The following SLC27A5 variants were observed in gnomAD, a reference collection of about 807,000 sequenced individuals.
SLC27A5 encodes long-chain fatty acid transport protein 5.
Under a neutral mutation model 63.1 loss-of-function variants are expected in SLC27A5, and 47 were observed. The ratio of observed to expected loss-of-function variants is 0.74; its 90% CI spans 0.59 to 0.95. The LOEUF (loss-of-function observed/expected upper bound fraction) is 0.95. SLC27A5 is among the 40% of genes least tolerant of loss of function. The pLI is 0.00. For synonymous variants in SLC27A5, 391 were observed against 403.8 expected, an observed-to-expected ratio of 0.97 and a Z score of 0.38; for missense variants, 940 against 921.0, an observed-to-expected ratio of 1.02 and a Z score of -0.27.
Position 58,511,876 on chromosome 19 carries a change from A to G in SLC27A5, c.80T>C (p.Val27Ala). 1 of 1,551,378 alleles carries G rather than the reference A, an allele frequency of 6.4e-7. No homozygotes were observed. Among genetic ancestry groups the G allele is most frequent in the Non-Finnish European group, 8.7e-7 (1 of 1,147,736 alleles). Residue 27 changes from valine (V) to alanine (A), a missense_variant, in exon 1 of 10, where the codon GTC becomes GCC. Val to Ala is a moderately conservative substitution (Grantham distance 64). Transcript: ENST00000263093. ...LWGLGQPVWP[V>A]AVALTLRWLL... ...CCAGCGCAGGGTCAAGGCCACAGCG[A>G]CTGGCCACACTGGCTGCCCCAGGCC...
rs978226371 is a variant in SLC27A5 at position 58,498,395 on chromosome 19, A to C, written c.*120T>G. 7.0e-6 allele frequency: 7 copies of C among 1,002,412 alleles called. No individual in the cohort carries two copies. The African/African-American group carries it at 1.1e-4, about 16-fold the overall frequency. The allele number at this position is 1,002,412 out of a possible 1,614,324, so 62.1% of individuals were successfully genotyped here. ...CAGGGCCCACTGTCATTTCCAGCCC[A>C]CTGAGGTTGAGGGTATGGCCAGGCT... On this transcript the variant is annotated 3_prime_UTR_variant, in exon 10 of 10. Transcript: ENST00000263093.
rs1397820626 is a variant in SLC27A5, at chr19:58,498,793, G to A, written c.1888C>T (p.Arg630Cys). ...LPAYATPHFIRIQDAMEVTST... is the reference protein window; with the variant it reads ...LPAYATPHFICIQDAMEVTST... ...GGCCACCCTGGGCTCACCTGGATGC[G>A]GATGAAATGGGGGGTAGCGTAGGCA... Residue 630 changes from arginine to cysteine, a missense_variant, in exon 9 of 10, where the codon CGC becomes TGC. By Grantham distance (180) the Arg-to-Cys change is radical. Transcript: ENST00000263093. The A allele has an allele frequency of 6.2e-7, 1 of 1,613,924 alleles. No homozygotes were observed. Among genetic ancestry groups the A allele is most frequent in the Non-Finnish European group, 8.5e-7 (1 of 1,179,916 alleles).
At chr19:58,511,041 T>A in intron 1 of SLC27A5, 111 bp from the exon 2 acceptor site, 1 of 1,009,530 alleles carries the variant, frequency 9.9e-7, no homozygotes, top group Non-Finnish European at 1.4e-6. Context: ...GAGAAAAGCA[T>A]CCATGTTGTT....
At chr19:58,499,287 G>A (rs1196515572) in intron 7 of SLC27A5, 67 bp from the exon 8 acceptor site, 47 of 1,077,102 alleles carry the variant, frequency 4.4e-5, no homozygotes, top group Non-Finnish European at 5.9e-5. Flanking sequence ...TCTTGCCCCC[G>A]CCCCGCCCCT....
intron 3 of SLC27A5, among the ~76,000 whole-genome samples, chr19:58,502,293 A>T (rs941423613): frequency 2.1e-5 from 3 of 146,192 alleles, no homozygotes; most frequent in African/African-American, 7.6e-5. Context: ...GTGAACAGTT[A>T]GAGTAGTGAG....
At position 58,499,825 on chromosome 19, in the gene SLC27A5, C is replaced by A. The variant is rs574154758; in HGVS notation, c.1469-135G>T. On this transcript the variant is annotated intron_variant, in intron 6 of 9. Coordinates refer to ENST00000263093, the MANE Select transcript of SLC27A5 (RefSeq NM_012254.3). ...ACCCAAAGACACAGACAGGGAGATCCAGAGATGAGAGAGACATTCAGAGAC... is the reference window on the plus strand; with the variant it reads ...ACCCAAAGACACAGACAGGGAGATCAAGAGATGAGAGAGACATTCAGAGAC... 4 of 770,716 alleles carry A rather than the reference C, an allele frequency of 5.2e-6. No individual in the cohort carries two copies. The East Asian group carries it at 8.0e-5, about 15-fold the overall frequency. The allele number at this position is 770,716 out of a possible 1,614,324, so 47.7% of individuals were successfully genotyped here. A position where few individuals can be genotyped will look rare whatever the true frequency, so the allele number is the denominator to read the frequency against.
Position 58,499,215 on chromosome 19 carries a change from T to G in SLC27A5, c.1673A>C (p.Lys558Thr). ...RDRLGDTFRW[K>T]GENVSTHEVE... is the part of the protein sequence containing the mutation. ...CTCGTGCGTGGACACGTTCTCGCCC[T>G]TCCATCTGCAAGGAGGGAGCCGGCG... The change falls in exon 8 of 10, where the codon AAG (lysine) becomes ACG (threonine). Residue 558 changes from lysine (K) to threonine (T), a missense_variant. Physicochemically the swap from Lys to Thr is moderately conservative, Grantham distance 78 (BLOSUM62 -1). Transcript: ENST00000263093. 6.2e-7 allele frequency: 1 copy of G among 1,613,698 alleles called. No homozygotes were observed. The highest frequency in any genetic ancestry group is 8.5e-7 in the Non-Finnish European group (1 of 1,179,964).
chr19:58,501,152 T>A, intron 4 of SLC27A5, 134 bp downstream of exon 4: 2 of 1,313,378 alleles, frequency 1.5e-6, no homozygotes, highest in Middle Eastern at 2.0e-4. Context: ...TGTCTGAAAC[T>A]CATTATCTGG....
chr19:58,498,963 T>C (rs1190350196), intron 8 of SLC27A5, 48 bp from the exon 9 acceptor site: 2 of 1,596,296 alleles, frequency 1.3e-6, no homozygotes, highest in African/African-American at 1.3e-5. Context: ...CGAGGGCCCA[T>C]AGCTGACCCT....
At position 58,511,537 on chromosome 19, in the gene SLC27A5, G is replaced by A; in HGVS notation, c.419C>T (p.Ala140Val). ...CAGCTCACCAAAGGTGACTGAGCCG[G>A]CCCCAGGCCCCGTCCACACCAAGAG... Reference protein sequence around the residue: ...RALLVWTGPGAGSVTFGELDA... With the variant: ...RALLVWTGPGVGSVTFGELDA... The change falls in exon 1 of 10, where the codon GCC (alanine) becomes GTC (valine). Residue 140 changes from alanine to valine, a missense_variant. By Grantham distance (64) the Ala-to-Val change is moderately conservative. Transcript: ENST00000263093. 1 of 1,564,364 alleles carries A rather than the reference G, an allele frequency of 6.4e-7. No individual in the cohort carries two copies. The highest frequency in any genetic ancestry group is 8.7e-7 in the Non-Finnish European group (1 of 1,153,320).
intron 4 of SLC27A5, 30 bp from the exon 5 acceptor site, chr19:58,500,736 G>A (rs2053265725): frequency 1.9e-6 from 3 of 1,600,878 alleles, no homozygotes; most frequent in Non-Finnish European, 2.6e-6. Flanking sequence ...AGGGTGAGGA[G>A]GAGGTGCTCT....
At chr19:58,498,736 C>T (rs372879780) in intron 9 of SLC27A5, 45 bp from the exon 10 acceptor site, 19 of 1,610,164 alleles carry the variant, frequency 1.2e-5, no homozygotes, top group East Asian at 2.2e-5. Context: ...CATCCACCCG[C>T]CCCCTGGCTA....
intron 3 of SLC27A5, among the ~76,000 whole-genome samples, chr19:58,505,161 T>A (rs2053331137): frequency 1.3e-5 from 2 of 148,158 alleles, no homozygotes; most frequent in Admixed American, 1.4e-4. Flanking sequence ...ATGCAATGGC[T>A]AGATCTCGGC....
Position 58,498,673 on chromosome 19 carries a change from T to C in SLC27A5, c.1915A>G (p.Ser639Gly), listed in dbSNP as rs149178996. The C allele has an allele frequency of 5.6e-6, 9 of 1,613,972 alleles. No homozygotes were observed. The highest frequency in any genetic ancestry group is 1.3e-5 in the African/African-American group (1 of 74,942). ...CGGGTCTTCATCAGTTTGAACGTGC[T>C]GGTGACCTCCATGGCGTCCTGCAGG... is the stretch of plus-strand genomic sequence containing the variant. ...IRIQDAMEVT[S>G]TFKLMKTRLV... The change falls in exon 10 of 10, where the codon AGC (serine) becomes GGC (glycine). Residue 639 changes from serine (S) to glycine (G), a missense_variant. Transcript: ENST00000263093.
rs1288175377 is a variant in SLC27A5, at chr19:58,509,883, C to T, written c.1021G>A (p.Gly341Arg). 4 of 1,613,330 alleles carry T rather than the reference C, an allele frequency of 2.5e-6. No homozygotes were observed. In the African/African-American group the frequency reaches 4.0e-5, roughly 16 times the overall value. The change falls in exon 3 of 10, where the codon GGA becomes AGA. Residue 341 changes from glycine to arginine, a missense_variant. Transcript: ENST00000263093. The part of the protein sequence containing the change: ...YTVLPLYHVM[G>R]LVVGILGCLD... ...CAGCCGAGGATCCCAACGACAAGTC[C>T]CATCACGTGGTACAGAGGCAGGACC...
intron 3 of SLC27A5, chr19:58,509,100 GA>G (rs1176715423): frequency 6.8e-6 from 1 of 146,864 alleles, no homozygotes; most frequent in African/African-American, 2.6e-5. Context: ...GAGAGAGAGA[GA>G]AAATAGCCAG....
chr19:58,502,363 TTAGAG>T (rs2053285129), intron 3 of SLC27A5, among the ~76,000 whole-genome samples: 1 of 139,278 alleles, frequency 7.2e-6, no homozygotes, highest in Non-Finnish European at 1.5e-5. Context: ...GGGTGGACAG[TTAGAG>T]TAGTGAGTGA....
rs901363506 is a variant in SLC27A5, at chr19:58,501,865, CG to C, written c.1058-456del. Among the ~76,000 whole-genome samples the C allele has an allele frequency of 4.9e-4, 74 of 152,140 alleles. 1 individual carries two copies. Among genetic ancestry groups the C allele is most frequent in the Non-Finnish European group, 1.3e-4 (9 of 68,024 alleles). On this transcript the variant is annotated intron_variant, in intron 3 of 9. Coordinates refer to ENST00000263093, the MANE Select transcript of SLC27A5 (RefSeq NM_012254.3). ...ATTTTTGTACTTTTTTAAGTACAGA[CG>C]GGGTTTCACCATGTTGGCCAGGCTG...
Position 58,498,434 on chromosome 19 carries a change from G to A in SLC27A5, c.*81C>T. The A allele has an allele frequency of 2.1e-6, 3 of 1,424,308 alleles. No homozygotes were observed. Among genetic ancestry groups the A allele is most frequent in the South Asian group, 1.3e-5 (1 of 75,014 alleles). 88.2% of individuals were successfully genotyped at this position (1,424,308 alleles called of 1,614,324 possible). On this transcript the variant is annotated 3_prime_UTR_variant, in exon 10 of 10. Transcript: ENST00000263093. Reference sequence around the variant, plus strand: ...TATGGCCAGGCTGGGATTCACACAGGCCCAGGATGAAAGGGACACCGAGTG... The same window carrying A: ...TATGGCCAGGCTGGGATTCACACAGACCCAGGATGAAAGGGACACCGAGTG...
Sources: gnomAD v4.1 joint callset for allele counts (sites outside exome capture counted in the v4.1 genomes callset) on GRCh38, gnomAD v4.1.1 for gene constraint, MANE v1.5 for transcripts, NCBI Gene and HGNC (gene_info 2026-07-23, HGNC 2026-07-21) for gene names.